The following SH3GL2 variants were observed in gnomAD, a reference collection of about 807,000 sequenced individuals.
SH3GL2 encodes the protein SH3 domain containing GRB2 like 2, endophilin A1.
SH3GL2 carries 24 observed loss-of-function variants against 46.0 expected under a neutral mutation model. The observed-to-expected ratio is 0.52, with a 90% CI of 0.38 to 0.73. The LOEUF (loss-of-function observed/expected upper bound fraction) is 0.73, where lower values mean the gene tolerates loss of function less well. Among genes scored for constraint, SH3GL2 ranks in the 30% least tolerant of loss-of-function variants. SH3GL2 has a pLI of 0.00. For synonymous variants in SH3GL2, 196 were observed against 147.1 expected, an observed-to-expected ratio of 1.33 and a Z score of -2.40; for missense variants, 413 against 424.2, an observed-to-expected ratio of 0.97 and a Z score of 0.23.
rs1336524737 is a variant in SH3GL2 at position 17,728,607 on chromosome 9, CT to C, written c.46-18458del. On this transcript the variant is annotated intron_variant, in intron 1 of 8. Coordinates refer to ENST00000380607, the MANE Select transcript of SH3GL2 (RefSeq NM_003026.5). ...CTGTCATCTACATTAGGTATTTCTC[CT>C]AATGCTATCCCTCCCCTTGCTCCCG... Among the ~76,000 whole-genome samples the C allele has an allele frequency of 3.1e-4, 47 of 151,982 alleles. 1 individual carries two copies. The Middle Eastern group carries it at 0.027, about 88-fold the overall frequency.
intron 2 of SH3GL2, 29 bp downstream of exon 2, chr9:17,747,163 C>T: frequency 2.8e-6 from 4 of 1,447,082 alleles, no homozygotes; most frequent in Non-Finnish European, 3.9e-6. Context: ...CTAGTGTTCC[C>T]TTTGACATAA....
rs538822187 is a variant in SH3GL2 at position 17,689,626 on chromosome 9, C to T, written c.46-57440C>T. ...CCTCCTTAGCACTGTCCCTGCTACT[C>T]TGGCCTGGTTGCTGTCCCTTGAATA... On this transcript the variant is annotated intron_variant, in intron 1 of 8. Transcript: ENST00000380607. 4.6e-5 allele frequency among the ~76,000 whole-genome samples: 7 copies of T among 150,738 alleles called. No individual in the cohort carries two copies. The South Asian group carries it at 6.2e-4, about 13-fold the overall frequency.
intron 1 of SH3GL2, among the ~76,000 whole-genome samples, chr9:17,735,377 C>G (rs1822301912): frequency 6.6e-6 from 1 of 152,024 alleles, no homozygotes; most frequent in Non-Finnish European, 1.5e-5. Flanking sequence ...CCAGAAATGT[C>G]CATTATTTAT....
At position 17,651,764 on chromosome 9, in the gene SH3GL2, A is replaced by G. The variant is rs554584683; in HGVS notation, c.45+72477A>G. On this transcript the variant is annotated intron_variant, in intron 1 of 8. Coordinates refer to ENST00000380607, the MANE Select transcript of SH3GL2 (RefSeq NM_003026.5). The stretch of plus-strand genomic sequence containing the variant: ...TAAAGATGTTGTTTTCATATTTCCA[A>G]TATTTCCTCATCTTTAGTATTGATA... 5.1e-4 allele frequency among the ~76,000 whole-genome samples: 78 copies of G among 152,160 alleles called. No individual in the cohort carries two copies. In the South Asian group the frequency reaches 7.0e-3, roughly 14 times the overall value.
At chr9:17,656,770 C>CAAAAAAAAAAAA (rs36079244) in intron 1 of SH3GL2, among the ~76,000 whole-genome samples, 2 of 101,564 alleles carry the variant, frequency 2.0e-5, no homozygotes, top group Admixed American at 1.2e-4. Flanking sequence ...GACTACATCT[C>CAAAAAAAAAAAA]AAAAAAAAAA....
chr9:17,719,256 C>T (rs989088492), intron 1 of SH3GL2, among the ~76,000 whole-genome samples: 2 of 152,118 alleles, frequency 1.3e-5, no homozygotes, highest in Non-Finnish European at 2.9e-5. Flanking sequence ...CTTTCCAAAG[C>T]GGTTCAGGTA....
At chr9:17,652,059 C>A (rs1365595181) in intron 1 of SH3GL2, among the ~76,000 whole-genome samples, 2 of 151,932 alleles carry the variant, frequency 1.3e-5, no homozygotes, top group Non-Finnish European at 2.9e-5. Flanking sequence ...TTTTTTAGTT[C>A]ATTGATTTCT....
chr9:17,723,562 T>G (rs556983807), intron 1 of SH3GL2, among the ~76,000 whole-genome samples: 1 of 152,174 alleles, frequency 6.6e-6, no homozygotes, highest in Non-Finnish European at 1.5e-5. Flanking sequence ...TTTCAAACTG[T>G]GTAACAGGAG....
In SH3GL2 at chr9:17,718,554, C is replaced by G. The variant is rs756973149; in HGVS notation, c.46-28512C>G. ...CCTGGGCAACATGGTGAAATCCCAT[C>G]TCTACCAAAACAACCCCACAAAAAT... On this transcript the variant is annotated intron_variant, in intron 1 of 8. Coordinates refer to ENST00000380607, the MANE Select transcript of SH3GL2 (RefSeq NM_003026.5). Among the ~76,000 whole-genome samples the G allele has an allele frequency of 4.6e-5, 7 of 151,868 alleles. No individual in the cohort carries two copies. In the South Asian group the frequency reaches 6.2e-4, roughly 13 times the overall value.
chr9:17,698,708 A>G (rs1821268849), intron 1 of SH3GL2, among the ~76,000 whole-genome samples: 1 of 152,210 alleles, frequency 6.6e-6, no homozygotes, highest in Non-Finnish European at 1.5e-5. Flanking sequence ...CTGCTTATGC[A>G]GAAGAGGTGG....
chr9:17,743,122 C>T (rs1822576907), intron 1 of SH3GL2, among the ~76,000 whole-genome samples: 1 of 152,118 alleles, frequency 6.6e-6, no homozygotes, highest in African/African-American at 2.4e-5. Flanking sequence ...GCCTGTGTTC[C>T]TCACCTTGAT....
chr9:17,741,674 T>G (rs73642203), intron 1 of SH3GL2, among the ~76,000 whole-genome samples: 3,812 of 152,332 alleles, frequency 0.025, 161 homozygotes, highest in African/African-American at 0.088. Flanking sequence ...ATATATATTT[T>G]CTGCTCTGCT....
chr9:17,637,344 C>T (rs1819564293), intron 1 of SH3GL2, among the ~76,000 whole-genome samples: 1 of 152,098 alleles, frequency 6.6e-6, no homozygotes, highest in Non-Finnish European at 1.5e-5. Flanking sequence ...CTTAAATTCC[C>T]AGTCTTACAT....
intron 1 of SH3GL2, among the ~76,000 whole-genome samples, chr9:17,657,734 G>A (rs1023571464): frequency 4.4e-5 from 2 of 45,128 alleles, no homozygotes; most frequent in Non-Finnish European, 8.5e-5. Flanking sequence ...TATCTGTAAC[G>A]GGAACAATAA....
chr9:17,643,504 G>A lies in SH3GL2; in HGVS notation c.45+64217G>A, dbSNP rs527558007. On this transcript the variant is annotated intron_variant, in intron 1 of 8. Transcript: ENST00000380607. ...TTGCCCATTCAGTATGATATTGGCT[G>A]TGGGTTTGTCATAAAAAGTTCTTAT... 9.2e-5 allele frequency among the ~76,000 whole-genome samples: 14 copies of A among 152,298 alleles called. No individual in the cohort carries two copies. The East Asian group carries it at 2.5e-3, about 27-fold the overall frequency.
At chr9:17,632,517 G>T (rs1265182041) in intron 1 of SH3GL2, among the ~76,000 whole-genome samples, 2 of 152,112 alleles carry the variant, frequency 1.3e-5, no homozygotes, top group African/African-American at 4.8e-5. Context: ...CATATTCTTA[G>T]AATTTAGATT....
At chr9:17,649,692 A>G (rs1260816705) in intron 1 of SH3GL2, among the ~76,000 whole-genome samples, 1 of 152,232 alleles carries the variant, frequency 6.6e-6, no homozygotes. Flanking sequence ...AAATACACGT[A>G]TTAGGTCTCA....
intron 1 of SH3GL2, among the ~76,000 whole-genome samples, chr9:17,703,957 A>G (rs1205152515): frequency 2.0e-5 from 3 of 152,108 alleles, no homozygotes; most frequent in African/African-American, 7.2e-5. Context: ...GCAGTCAGCA[A>G]GAGGTATAAA....
In SH3GL2 at chr9:17,738,540, ACATAAGTGTGTGTG is replaced by A. The variant is rs1563833678; in HGVS notation, c.46-8525_46-8512del. ...TGTGTGTGTATATACATACATATAT[ACATAAGTGTGTGTG>A]TATATACATACATATATATATAGAG... is the stretch of plus-strand genomic sequence containing the variant. On this transcript the variant is annotated intron_variant, in intron 1 of 8. Coordinates refer to ENST00000380607, the MANE Select transcript of SH3GL2 (RefSeq NM_003026.5). Among the ~76,000 whole-genome samples the A allele has an allele frequency of 4.2e-3, 350 of 83,462 alleles. 12 individuals are homozygous for A. Among genetic ancestry groups the A allele is most frequent in the African/African-American group, 0.013 (321 of 25,418 alleles). 54.8% of individuals were successfully genotyped at this position (83,462 alleles called of 152,430 possible). A position where few individuals can be genotyped will look rare whatever the true frequency, so the allele number is the denominator to read the frequency against.
Sources: gnomAD v4.1 joint callset for allele counts (sites outside exome capture counted in the v4.1 genomes callset) on GRCh38, gnomAD v4.1.1 for gene constraint, MANE v1.5 for transcripts, NCBI Gene and HGNC (gene_info 2026-07-23, HGNC 2026-07-21) for gene names.